The following WDR37 variants were observed in gnomAD, a reference collection of about 807,000 sequenced individuals.
The protein encoded by WDR37 is WD repeat-containing protein 37.
Under a neutral mutation model 62.9 loss-of-function variants are expected in WDR37, and 19 were observed. The ratio of observed to expected loss-of-function variants is 0.30; its 90% confidence interval spans 0.21 to 0.44. The LOEUF (loss-of-function observed/expected upper bound fraction) is 0.44, where lower values mean the gene tolerates loss of function less well. Among genes scored for constraint, WDR37 ranks in the 20% least tolerant of loss-of-function variants. The probability of loss-of-function intolerance (pLI) is 1.00; values close to 1 mark genes in which losing one functional copy is unlikely to be tolerated. For synonymous variants in WDR37, 250 were observed against 260.9 expected, an observed-to-expected ratio of 0.96 and a Z score of 0.40; for missense variants, 474 against 657.6, an observed-to-expected ratio of 0.72 and a Z score of 3.05.
At chr10:1,070,162 C>G (rs1468213175) in intron 1 of WDR37, among the ~76,000 whole-genome samples, 1 of 147,620 alleles carries the variant, frequency 6.8e-6, no homozygotes, top group Non-Finnish European at 1.5e-5. Flanking sequence ...GAGCTGAGAT[C>G]GTGCAACTCC....
At chr10:1,087,514 G>A (rs1036546997) in intron 7 of WDR37, among the ~76,000 whole-genome samples, 1 of 152,242 alleles carries the variant, frequency 6.6e-6, no homozygotes, top group Non-Finnish European at 1.5e-5. Context: ...TGTTGTGTTA[G>A]TAGGCATGAA....
intron 7 of WDR37, among the ~76,000 whole-genome samples, chr10:1,087,214 T>A (rs1187971680): frequency 6.6e-6 from 1 of 152,232 alleles, no homozygotes; most frequent in African/African-American, 2.4e-5. Flanking sequence ...CTTTCCCGTG[T>A]TAGACCCCCT....
At chr10:1,080,298 C>A in intron 4 of WDR37, 114 bp from the exon 5 acceptor site, 1 of 1,410,044 alleles carries the variant, frequency 7.1e-7, no homozygotes, top group Non-Finnish European at 9.8e-7. Flanking sequence ...TCACTAGGGT[C>A]AAACGAGCCT....
At chr10:1,081,089 AT>A (rs1306570095) in intron 5 of WDR37, among the ~76,000 whole-genome samples, 4 of 152,222 alleles carry the variant, frequency 2.6e-5, no homozygotes, top group African/African-American at 9.6e-5. Context: ...ATAGGTACAA[AT>A]TAGTGAAAAT....
chr10:1,094,323 A>G (rs1834494839), intron 8 of WDR37, among the ~76,000 whole-genome samples: 1 of 152,212 alleles, frequency 6.6e-6, no homozygotes, highest in Admixed American at 6.5e-5. Context: ...CTATGGGCCA[A>G]ATTGTGCTGA....
chr10:1,085,771 G>T (rs1589093499), intron 6 of WDR37, among the ~76,000 whole-genome samples: 2 of 152,156 alleles, frequency 1.3e-5, no homozygotes, highest in African/African-American at 4.8e-5. Flanking sequence ...GGTCCTTTCT[G>T]ATATTTCCGA....
At chr10:1,111,614 T>C (rs1167609273) in intron 11 of WDR37, among the ~76,000 whole-genome samples, 2 of 152,212 alleles carry the variant, frequency 1.3e-5, no homozygotes, top group African/African-American at 4.8e-5. Context: ...AGTCACCTTT[T>C]CCTTTTGATG....
Position 1,068,467 on chromosome 10 carries a change from A to T in WDR37, c.-40-3649A>T, listed in dbSNP as rs573948604. 8.5e-5 allele frequency among the ~76,000 whole-genome samples: 13 copies of T among 152,110 alleles called. No homozygotes were observed. The East Asian group carries it at 2.3e-3, about 27-fold the overall frequency. On this transcript the variant is annotated intron_variant, in intron 1 of 13. Transcript: ENST00000263150. ...GAGACTCTGTCTCAAAAAAACAAAA[A>T]AACAAACAGTGTTTTACTGGGGTGG... is the stretch of plus-strand genomic sequence containing the variant.
At chr10:1,073,090 T>A (rs929126524) in intron 2 of WDR37, among the ~76,000 whole-genome samples, 2 of 152,240 alleles carry the variant, frequency 1.3e-5, no homozygotes, top group Non-Finnish European at 2.9e-5. Context: ...GTTTTGCTTA[T>A]ACTTTTTCTA....
intron 2 of WDR37, among the ~76,000 whole-genome samples, chr10:1,076,877 A>G (rs1264464448): frequency 7.0e-6 from 1 of 142,684 alleles, no homozygotes; most frequent in African/African-American, 2.6e-5. Context: ...GCGCACGCCT[A>G]TAGTCCCAGC....
At chr10:1,086,825 G>A (rs1205859854) in intron 7 of WDR37, among the ~76,000 whole-genome samples, 1 of 152,204 alleles carries the variant, frequency 6.6e-6, no homozygotes, top group Non-Finnish European at 1.5e-5. Flanking sequence ...AGTTAACGCT[G>A]TTCACGTAGC....
chr10:1,105,096 T>A lies in WDR37; in HGVS notation c.962-30T>A. 6.2e-7 allele frequency: 1 copy of A among 1,612,656 alleles called. No homozygotes were observed. The highest frequency in any genetic ancestry group is 8.5e-7 in the Non-Finnish European group (1 of 1,178,782). On this transcript the variant is annotated intron_variant, in intron 10 of 13. Coordinates refer to ENST00000263150, the MANE Select transcript of WDR37 (RefSeq NM_014023.4). This position sits in a 1 kb window ranked among gnomAD's most constrained non-coding sequence, Gnocchi z 5.3. Reference sequence around the variant, plus strand: ...CTCTCTCAGCGTGCTCCTCAGGTGATGACCTTGTGTTTTGCCATCTTGGTT... The same window carrying A: ...CTCTCTCAGCGTGCTCCTCAGGTGAAGACCTTGTGTTTTGCCATCTTGGTT...
chr10:1,125,381 G>A (rs1295926611), intron 13 of WDR37, among the ~76,000 whole-genome samples: 2 of 152,094 alleles, frequency 1.3e-5, no homozygotes, highest in African/African-American at 2.4e-5. Context: ...GCGCCACCAC[G>A]CCTGGCTAAT....
chr10:1,084,450 C>T lies in WDR37; in HGVS notation c.444C>T (p.Leu148=), dbSNP rs749707980. Residue 148 remains leucine (L), a synonymous_variant, in exon 6 of 14, where the codon CTC becomes CTT. Coordinates refer to ENST00000263150, the MANE Select transcript of WDR37 (RefSeq NM_014023.4). ...KTTTSRAACQ[L]VKEYIGHRDG... is the part of the protein sequence containing the mutation. The stretch of plus-strand genomic sequence containing the variant: ...CGACATCGAGAGCTGCCTGCCAGCT[C>T]GTGAAGGAGTACATCGGCCACCGGG... 4.9e-5 allele frequency: 79 copies of T among 1,614,040 alleles called. No individual in the cohort carries two copies. The highest frequency in any genetic ancestry group is 6.4e-5 in the Non-Finnish European group (75 of 1,180,034).
intron 9 of WDR37, among the ~76,000 whole-genome samples, chr10:1,097,293 C>G (rs1834621112): frequency 1.3e-5 from 2 of 152,060 alleles, no homozygotes; most frequent in African/African-American, 4.8e-5. Flanking sequence ...TGGGTGGGAG[C>G]CACAGCTTTA....
intron 1 of WDR37, among the ~76,000 whole-genome samples, chr10:1,063,081 G>GT (rs1322441391): frequency 7.0e-6 from 1 of 142,050 alleles, no homozygotes; most frequent in Non-Finnish European, 1.5e-5. Flanking sequence ...GCGACACTCT[G>GT]TTAAAAAAAA....
At chr10:1,104,043 G>A (rs191954734) in intron 10 of WDR37, among the ~76,000 whole-genome samples, 4 of 152,290 alleles carry the variant, frequency 2.6e-5, no homozygotes, top group Non-Finnish European at 5.9e-5. Flanking sequence ...TTAAATTGTA[G>A]CATGTAGTAT....
intron 1 of WDR37, among the ~76,000 whole-genome samples, chr10:1,070,391 T>C (rs1020941222): frequency 6.6e-6 from 1 of 152,082 alleles, no homozygotes; most frequent in Non-Finnish European, 1.5e-5. Flanking sequence ...AATAACAAAA[T>C]TTATATATGA....
intron 8 of WDR37, among the ~76,000 whole-genome samples, 193 bp from the exon 9 acceptor site, chr10:1,095,977 G>C (rs947368681): frequency 9.2e-5 from 14 of 152,116 alleles, no homozygotes; most frequent in African/African-American, 3.4e-4. Flanking sequence ...CCTCAATTTT[G>C]GACATGTACT....
Sources: allele counts gnomAD v4.1 joint callset (sites outside exome capture counted in the v4.1 genomes callset), GRCh38; gene constraint gnomAD v4.1.1; non-coding constraint Gnocchi (gnomAD v3.1); transcripts MANE v1.5; gene names NCBI Gene and HGNC (gene_info 2026-07-23, HGNC 2026-07-21).